SMG5: variants seen among roughly 807,000 people sequenced by gnomAD.
SMG5 encodes the protein nonsense-mediated mRNA decay factor SMG5.
SMG5 carries 53 observed loss-of-function variants against 122.9 expected under a neutral mutation model. That is an observed-to-expected ratio of 0.43 (90% CI 0.35 to 0.54). The LOEUF is 0.54. Ranked by LOEUF, SMG5 falls within the 20% of genes least tolerant of loss-of-function variation. The probability of loss-of-function intolerance (pLI) is 0.01; values close to 1 mark genes in which losing one functional copy is unlikely to be tolerated. For synonymous variants in SMG5, 477 were observed against 490.2 expected (o/e 0.97, Z 0.35); for missense variants, 1,153 against 1,285.6 (o/e 0.90, Z 1.58).
chr1:156,262,399 C>G (rs931623214), intron 13 of SMG5, among the ~76,000 whole-genome samples: 1 of 147,886 alleles, frequency 6.8e-6, no homozygotes, highest in Non-Finnish European at 1.5e-5. Context: ...TGGTATGAAC[C>G]TAGGAGGCGG....
At chr1:156,285,842 G>A (rs568013409), upstream of SMG5, 2 of 1,613,670 alleles carry the variant, frequency 1.2e-6, no homozygotes, top group Admixed American at 1.7e-5. Flanking sequence ...CTCCGTGGGA[G>A]CCGCACTCAT....
At chr1:156,260,367 C>G (rs1363474535) in intron 15 of SMG5, 84 bp downstream of exon 15, 17 of 1,481,338 alleles carry the variant, frequency 1.1e-5, no homozygotes, top group Admixed American at 2.2e-5. Context: ...GGGCATCCTG[C>G]CCCCTCCCTC....
At chr1:156,262,349 G>A (rs981503827) in intron 13 of SMG5, among the ~76,000 whole-genome samples, 5 of 151,902 alleles carry the variant, frequency 3.3e-5, no homozygotes, top group Non-Finnish European at 7.4e-5. Flanking sequence ...GTGTGGTGGC[G>A]CCTGTAGTCC....
Position 156,266,199 on chromosome 1 carries a change from T to G in SMG5, c.1437A>C (p.Glu479Asp). Residue 479 changes from glutamate to aspartate, a missense_variant, in exon 12 of 22, where the codon GAA becomes GAC. Transcript: ENST00000361813. ...GGGCTGAGTCATGGCTTGAGTCCGA[T>G]TCAAAGCCTTCACTCAGGTCACTGT... ...GDDSDLSEGFESDSSHDSARA... is the reference protein window; with the variant it reads ...GDDSDLSEGFDSDSSHDSARA... 3 of 1,614,240 alleles carry G rather than the reference T, an allele frequency of 1.9e-6. No homozygotes were observed. The highest frequency in any genetic ancestry group is 2.5e-6 in the Non-Finnish European group (3 of 1,180,044).
chr1:156,268,153 G>A lies in SMG5; in HGVS notation c.870C>T (p.Asn290=), dbSNP rs759993133. The change falls in exon 9 of 22, where the codon AAC becomes AAT. Residue 290 remains asparagine, a synonymous_variant. Transcript: ENST00000361813. The stretch of plus-strand genomic sequence containing the variant: ...GTAGGAGGCTTTGCAGATACATAAA[G>A]TTCACTAGCAACCTTTTAATGTCTT... ...RCKDIKRLLV[N]FMYLQSLLQP... 1 of 1,614,152 alleles carries A rather than the reference G, an allele frequency of 6.2e-7. No homozygotes were observed. The highest frequency in any genetic ancestry group is 8.5e-7 in the Non-Finnish European group (1 of 1,180,032).
chr1:156,253,998 C>G (rs577089998), intron 16 of SMG5, among the ~76,000 whole-genome samples: 3 of 152,214 alleles, frequency 2.0e-5, no homozygotes, highest in Non-Finnish European at 4.4e-5. Flanking sequence ...TCAGAACCTG[C>G]GTCTCTTCCT....
chr1:156,256,002 T>A (rs1241443706), intron 16 of SMG5, among the ~76,000 whole-genome samples: 1 of 152,126 alleles, frequency 6.6e-6, no homozygotes. Context: ...TCTTCGAAAG[T>A]GTCACATCAG....
chr1:156,282,418 AC>A (rs1234697754), intron 1 of SMG5, among the ~76,000 whole-genome samples, 188 bp downstream of exon 1: 1 of 151,298 alleles, frequency 6.6e-6, no homozygotes, highest in Admixed American at 6.6e-5. Flanking sequence ...CAAACCTCCC[AC>A]CTACCCAATT....
At position 156,265,880 on chromosome 1, in the gene SMG5, T is replaced by C. The variant is rs777390946; in HGVS notation, c.1756A>G (p.Thr586Ala). The C allele has an allele frequency of 3.1e-6, 5 of 1,613,772 alleles. No individual in the cohort carries two copies. The South Asian group carries it at 3.3e-5, about 11-fold the overall frequency. Residue 586 changes from threonine (T) to alanine (A), a missense_variant, in exon 12 of 22, where the codon ACC becomes GCC. Around this residue, in one of 5 missense-constraint regions of SMG5, gnomAD observed 631 missense variants for 650.6 expected, o/e 0.97. Coordinates refer to ENST00000361813, the MANE Select transcript of SMG5 (RefSeq NM_015327.3). ...GGCTGGAGGAGCAGGTTGCTAAAGG[T>C]GGGGGCCAGTCGGAAGCAGCGCTTA... ...QTKRCFRLAP[T>A]FSNLLLQPTT... is the part of the protein sequence containing the mutation.
Position 156,259,037 on chromosome 1 carries a change from G to A in SMG5, c.2410C>T (p.Leu804=). ...AACTGTGCCTGGGCCTGCTGCAGCA[G>A]GCTCTCCTGCTCAGACTGGGCAATG... is the stretch of plus-strand genomic sequence containing the variant. The part of the protein sequence containing the change: ...VSIAQSEQES[L]LQQAQAQFRM... Residue 804 remains leucine, a synonymous_variant, in exon 16 of 22, where the codon CTG becomes TTG. Coordinates refer to ENST00000361813, the MANE Select transcript of SMG5 (RefSeq NM_015327.3). The A allele has an allele frequency of 1.2e-6, 2 of 1,613,960 alleles. No homozygotes were observed. Among genetic ancestry groups the A allele is most frequent in the South Asian group, 2.2e-5 (2 of 91,066 alleles).
At chr1:156,270,733 C>T (rs536050131) in intron 7 of SMG5, among the ~76,000 whole-genome samples, 1 of 152,302 alleles carries the variant, frequency 6.6e-6, no homozygotes, top group Admixed American at 6.5e-5. Context: ...TACAGCCGGG[C>T]ACGGTGGCTC....
chr1:156,271,473 G>C (rs1202588395), intron 7 of SMG5, among the ~76,000 whole-genome samples: 1 of 151,240 alleles, frequency 6.6e-6, no homozygotes, highest in African/African-American at 2.4e-5. Flanking sequence ...AAAGTATTCT[G>C]GTTTACCTAT....
chr1:156,273,596 G>T, intron 5 of SMG5, 146 bp from the exon 6 acceptor site: 2 of 692,328 alleles, frequency 2.9e-6, no homozygotes, highest in South Asian at 1.8e-5. Flanking sequence ...GGGGTCTCTG[G>T]CACAGTCCTA....
chr1:156,254,185 G>C (rs1378947370), intron 16 of SMG5, among the ~76,000 whole-genome samples: 1 of 152,132 alleles, frequency 6.6e-6, no homozygotes, highest in East Asian at 1.9e-4. Flanking sequence ...CCTAGTCTAA[G>C]CCAACACCTC....
chr1:156,268,005 G>C (rs1662232616), intron 9 of SMG5, 110 bp downstream of exon 9: 1 of 1,154,076 alleles, frequency 8.7e-7, no homozygotes, highest in Non-Finnish European at 1.3e-6. Context: ...GGTTACGGAT[G>C]TTCAAACTGA....
Position 156,266,003 on chromosome 1 carries a change from T to C in SMG5, c.1633A>G (p.Arg545Gly), listed in dbSNP as rs1380701982. The change falls in exon 12 of 22, where the codon AGA becomes GGA. Residue 545 changes from arginine to glycine, a missense_variant. This residue lies in a region of SMG5 where 631 missense variants were observed against 650.6 expected (regional missense o/e 0.97). Transcript: ENST00000361813. ...TTGAGGGAATCGGGAGCCTCTGATC[T>C]GCCCCGAGGGGGCTCCAGGGTTGGT... Reference protein sequence around the residue: ...RSPTLEPPRGRSEAPDSLNGP... With the variant: ...RSPTLEPPRGGSEAPDSLNGP... 6.2e-7 allele frequency: 1 copy of C among 1,614,114 alleles called. No individual in the cohort carries two copies. The highest frequency in any genetic ancestry group is 8.5e-7 in the Non-Finnish European group (1 of 1,180,050).
In SMG5 at chr1:156,251,496, A is replaced by C. The variant is rs1402755071; in HGVS notation, c.2754-19T>G. 1.5e-5 allele frequency: 25 copies of C among 1,613,336 alleles called. No homozygotes were observed. The highest frequency in any genetic ancestry group is 2.1e-5 in the Non-Finnish European group (25 of 1,179,762). Reference sequence around the variant, plus strand: ...AATGTACCTGCAGAGGAGATGTGCGAGTGGAGGTCAGGAGCAGGAGACTGG... The same window carrying C: ...AATGTACCTGCAGAGGAGATGTGCGCGTGGAGGTCAGGAGCAGGAGACTGG... On this transcript the variant is annotated intron_variant, in intron 19 of 21. Coordinates refer to ENST00000361813, the MANE Select transcript of SMG5 (RefSeq NM_015327.3).
Position 156,267,561 on chromosome 1 carries a change from C to T in SMG5, c.1026G>A (p.Glu342=). ...NLSLASEDEE[E]YESGYAFLPD... Reference sequence around the variant, plus strand: ...GGAGGAAAGCATATCCACTCTCATACTCCTCCTCATCCTCACTGGCCAGGC... The same window carrying T: ...GGAGGAAAGCATATCCACTCTCATATTCCTCCTCATCCTCACTGGCCAGGC... The change falls in exon 10 of 22, where the codon GAG becomes GAA. Residue 342 remains glutamate, a synonymous_variant. Coordinates refer to ENST00000361813, the MANE Select transcript of SMG5 (RefSeq NM_015327.3). 6 of 1,614,126 alleles carry T rather than the reference C, an allele frequency of 3.7e-6. No homozygotes were observed. Among genetic ancestry groups the T allele is most frequent in the Non-Finnish European group, 5.1e-6 (6 of 1,180,014 alleles).
At chr1:156,252,389 A>G in intron 19 of SMG5, 25 bp downstream of exon 19, 1 of 1,610,992 alleles carries the variant, frequency 6.2e-7, no homozygotes, top group Non-Finnish European at 8.5e-7. Context: ...AGGGCTCAGC[A>G]CAGGTCCAGC....
Sources: gnomAD v4.1 joint callset for allele counts (sites outside exome capture counted in the v4.1 genomes callset) on GRCh38, gnomAD v4.1.1 for gene constraint, gnomAD v4.1.1 regional missense constraint, MANE v1.5 for transcripts, NCBI Gene and HGNC (gene_info 2026-07-23, HGNC 2026-07-21) for gene names.